The following FAM161B variants were observed in gnomAD, a reference collection of about 807,000 sequenced individuals.
FAM161B encodes the protein FAM161 centrosomal protein B.
FAM161B carries 46 observed loss-of-function variants against 61.5 expected under a neutral mutation model. That is an observed-to-expected ratio of 0.75 (90% CI 0.59 to 0.96). FAM161B has a LOEUF of 0.96. FAM161B is among the 40% of genes least tolerant of loss of function. The pLI is 0.00. For synonymous variants in FAM161B, 284 were observed against 302.7 expected (o/e 0.94, Z 0.64); for missense variants, 774 against 800.7 (o/e 0.97, Z 0.40).
intron 2 of FAM161B, 44 bp from the exon 3 acceptor site, chr14:73,944,929 G>C (rs768051912): frequency 2.1e-6 from 3 of 1,458,618 alleles, no homozygotes; most frequent in Admixed American, 2.5e-5. Flanking sequence ...GGGCAGTCAG[G>C]AGGCCCTGCT....
At chr14:73,931,506 C>G (rs762245001), downstream of FAM161B, 3 of 1,606,806 alleles carry the variant, frequency 1.9e-6, no homozygotes, top group African/African-American at 1.3e-5. Flanking sequence ...TTTACAGTTA[C>G]TAAACCAAGG....
Position 73,942,312 on chromosome 14 carries a change from C to T in FAM161B, c.1272+57G>A, listed in dbSNP as rs2056025886. Reference sequence around the variant, plus strand: ...GAAGTGCTTTCCAGGAAGACCTGGCCCCACCCTGTATTTCAGGCCGCAGCC... The same window carrying T: ...GAAGTGCTTTCCAGGAAGACCTGGCTCCACCCTGTATTTCAGGCCGCAGCC... On this transcript the variant is annotated intron_variant, in intron 4 of 8. Transcript: ENST00000286544. The T allele has an allele frequency of 2.6e-6, 4 of 1,538,500 alleles. No homozygotes were observed. In the East Asian group the frequency reaches 9.0e-5, roughly 35 times the overall value.
At chr14:73,923,183 TG>T in the FAM161B span, among the ~76,000 whole-genome samples, 1 of 152,238 alleles carries the variant, frequency 6.6e-6, no homozygotes, top group South Asian at 2.1e-4. Context: ...TTCTAAATCC[TG>T]TATTAAGATT....
chr14:73,935,823 T>A, intron 8 of FAM161B, 126 bp downstream of exon 8: 1 of 1,056,484 alleles, frequency 9.5e-7, no homozygotes, highest in Non-Finnish European at 1.3e-6. Flanking sequence ...GATTACTTAT[T>A]AATGTTACAT....
Position 73,934,122 on chromosome 14 carries a change from T to A in FAM161B, c.*134A>T. 1 of 1,111,186 alleles carries A rather than the reference T, an allele frequency of 9.0e-7. No individual in the cohort carries two copies. The highest frequency in any genetic ancestry group is 1.3e-6 in the Non-Finnish European group (1 of 794,018). The allele number at this position is 1,111,186 out of a possible 1,614,324, so 68.8% of individuals were successfully genotyped here. ...CAGGCGTGAGCCACTGCGCCTGGCC[T>A]GTTAATCTGCTACTCTTCATTTGTC... On this transcript the variant is annotated 3_prime_UTR_variant, in exon 9 of 9. Coordinates refer to ENST00000286544, the MANE Select transcript of FAM161B (RefSeq NM_152445.3).
chr14:73,941,971 G>T (rs1452940604), intron 4 of FAM161B, among the ~76,000 whole-genome samples: 1 of 152,214 alleles, frequency 6.6e-6, no homozygotes, highest in Non-Finnish European at 1.5e-5. Flanking sequence ...CTCTCAAAGT[G>T]CTGGGATTAA....
At chr14:73,923,534 T>G in the FAM161B span, 1 of 1,608,028 alleles carries the variant, frequency 6.2e-7, no homozygotes, top group African/African-American at 1.3e-5. Context: ...TAAAGTGGTC[T>G]CTTGCCCTTT....
intron 5 of FAM161B, among the ~76,000 whole-genome samples, chr14:73,938,635 G>GTA (rs1566673549): frequency 6.6e-6 from 1 of 151,706 alleles, no homozygotes; most frequent in Non-Finnish European, 1.5e-5. Flanking sequence ...AGCCGGGTGC[G>GTA]GTGGTGGGCG....
chr14:73,940,455 C>G (rs1381608886), intron 5 of FAM161B, among the ~76,000 whole-genome samples: 3 of 152,184 alleles, frequency 2.0e-5, no homozygotes, highest in Admixed American at 6.5e-5. Context: ...TCCATGTTCT[C>G]TCTGTCTGGA....
chr14:73,935,907 C>A, intron 8 of FAM161B, 42 bp downstream of exon 8: 1 of 1,582,376 alleles, frequency 6.3e-7, no homozygotes, highest in Non-Finnish European at 8.6e-7. Flanking sequence ...CTGGGTATGA[C>A]AATTTAGAGA....
At chr14:73,946,991 A>T (rs112680619) in intron 1 of FAM161B, among the ~76,000 whole-genome samples, 1 of 152,036 alleles carries the variant, frequency 6.6e-6, no homozygotes, top group African/African-American at 2.4e-5. Context: ...ACTCTCCCTT[A>T]CTTGGGTTTT....
At chr14:73,925,099 G>C in the FAM161B span, among the ~76,000 whole-genome samples, 2 of 152,038 alleles carry the variant, frequency 1.3e-5, no homozygotes, top group African/African-American at 2.4e-5. Flanking sequence ...AGGATTACAG[G>C]GTTCTGGGCA....
chr14:73,947,893 G>C (rs1476549871), intron 1 of FAM161B, among the ~76,000 whole-genome samples: 1 of 151,154 alleles, frequency 6.6e-6, no homozygotes, highest in Non-Finnish European at 1.5e-5. Context: ...GTCATGAAGT[G>C]GGGACAATTT....
chr14:73,944,936 T>C (rs374599750), intron 2 of FAM161B, 51 bp from the exon 3 acceptor site: 7 of 1,439,042 alleles, frequency 4.9e-6, no homozygotes, highest in African/African-American at 4.3e-5. Flanking sequence ...CAGGAGGCCC[T>C]GCTCCCTCCA....
At position 73,944,841 on chromosome 14, in the gene FAM161B, G is replaced by C; in HGVS notation, c.419C>G (p.Ser140Cys). The change falls in exon 3 of 9, where the codon TCC (serine) becomes TGC (cysteine). Residue 140 changes from serine to cysteine, a missense_variant. Transcript: ENST00000286544. ...CTGGGTCTGAGGCCTGGGAATGTTG[G>C]AGGGAAGGTTGTTCAGGGAGCTGCA... is the stretch of plus-strand genomic sequence containing the variant. ...RRCSSLNNLP[S>C]NIPRPQTQPP... The C allele has an allele frequency of 6.5e-7, 1 of 1,533,388 alleles. No individual in the cohort carries two copies. 95.0% of individuals were successfully genotyped at this position (1,533,388 alleles called of 1,614,324 possible).
At chr14:73,925,947 T>C in the FAM161B span, among the ~76,000 whole-genome samples, 1 of 152,120 alleles carries the variant, frequency 6.6e-6, no homozygotes, top group East Asian at 1.9e-4. Flanking sequence ...AGTAGGAGGA[T>C]CACCTAAGCC....
In FAM161B at chr14:73,943,007, G is replaced by C. The variant is rs74945172; in HGVS notation, c.926-292C>G. ...CACTGCCTGTGTCAATCAGGCTGCA[G>C]AAGCAGTGACCATCTACACTTACTG... On this transcript the variant is annotated intron_variant, in intron 3 of 8. Transcript: ENST00000286544. Among the ~76,000 whole-genome samples, 1,364 of 151,998 alleles carry C rather than the reference G, an allele frequency of 9.0e-3. 12 individuals carry two copies. Among genetic ancestry groups the C allele is most frequent in the African/African-American group, 0.031 (1,301 of 41,430 alleles).
chr14:73,940,868 G>A, intron 5 of FAM161B, 58 bp downstream of exon 5: 10 of 1,554,070 alleles, frequency 6.4e-6, no homozygotes, highest in Non-Finnish European at 8.7e-6. Flanking sequence ...TGGCAGGGAG[G>A]TTTCCAGCAT....
downstream of FAM161B, among the ~76,000 whole-genome samples, chr14:73,928,187 A>C (rs56305479): frequency 6.6e-6 from 1 of 152,316 alleles, no homozygotes; most frequent in Non-Finnish European, 1.5e-5. Flanking sequence ...GGGAGAAGTC[A>C]GAGAATATGT....
Sources: allele counts gnomAD v4.1 joint callset (sites outside exome capture counted in the v4.1 genomes callset), GRCh38; gene constraint gnomAD v4.1.1; transcripts MANE v1.5; gene names NCBI Gene and HGNC (gene_info 2026-07-23, HGNC 2026-07-21).